Variants in LRRC8B observed in about 807,000 individuals in gnomAD.
The protein encoded by LRRC8B is leucine rich repeat containing 8 VRAC subunit B, also known as volume-regulated anion channel subunit LRRC8B.
In LRRC8B, 23 loss-of-function variants were observed where a neutral mutation model predicts 58.8. The observed-to-expected ratio is 0.39, with a 90% CI of 0.28 to 0.55. LRRC8B has a LOEUF of 0.55. LRRC8B is among the 20% of genes least tolerant of loss of function. LRRC8B has a pLI of 0.62. For missense variants in LRRC8B, 694 were observed against 936.0 expected (o/e 0.74, Z 3.37); for synonymous variants, 359 against 374.1 (o/e 0.96, Z 0.47).
intron 1 of LRRC8B, among the ~76,000 whole-genome samples, chr1:89,542,665 A>G (rs1186783404): frequency 1.3e-5 from 2 of 152,268 alleles, no homozygotes; most frequent in African/African-American, 2.4e-5. Context: ...ATGTTTAGAT[A>G]AGTCACATAA....
rs1231422593 is a variant in LRRC8B, at chr1:89,528,274, G to A, written c.-241+3252G>A. Among the ~76,000 whole-genome samples, 3 of 152,286 alleles carry A rather than the reference G, an allele frequency of 2.0e-5. No homozygotes were observed. In the East Asian group the frequency reaches 5.8e-4, roughly 29 times the overall value. On this transcript the variant is annotated intron_variant, in intron 1 of 5. Transcript: ENST00000330947. ...TCTCTTCCGTATCCAGCTCCATGCA[G>A]GTGACTGAGATCTTCCTCTGCTCAT...
At chr1:89,561,854 T>C (rs986936972) in intron 1 of LRRC8B, among the ~76,000 whole-genome samples, 1 of 151,974 alleles carries the variant, frequency 6.6e-6, no homozygotes, top group Middle Eastern at 3.4e-3. Context: ...TGGCTTAGGA[T>C]TGACTTGGCA....
intron 1 of LRRC8B, among the ~76,000 whole-genome samples, chr1:89,528,274 G>C (rs1231422593): frequency 6.6e-6 from 1 of 152,168 alleles, no homozygotes; most frequent in South Asian, 2.1e-4. Flanking sequence ...GCTCCATGCA[G>C]GTGACTGAGA....
chr1:89,545,509 G>A (rs1490047300), intron 1 of LRRC8B, among the ~76,000 whole-genome samples: 1 of 152,154 alleles, frequency 6.6e-6, no homozygotes, highest in Non-Finnish European at 1.5e-5. Flanking sequence ...TACTGTGTCT[G>A]CATGCCCTGT....
rs556384751 is a variant in LRRC8B, at chr1:89,526,791, A to G, written c.-241+1769A>G. Among the ~76,000 whole-genome samples the G allele has an allele frequency of 1.1e-3, 166 of 152,320 alleles. 2 individuals are homozygous for G. Among genetic ancestry groups the G allele is most frequent in the Middle Eastern group, 3.4e-3 (1 of 294 alleles). ...TCTGCATGTCGGAATTAAGTTTACC[A>G]TTCTTTGAAATGTGTTCTCTTTTTC... On this transcript the variant is annotated intron_variant, in intron 1 of 5. Coordinates refer to ENST00000330947, the MANE Select transcript of LRRC8B (RefSeq NM_001369817.2).
At chr1:89,527,288 T>C (rs1301833877) in intron 1 of LRRC8B, among the ~76,000 whole-genome samples, 4 of 152,246 alleles carry the variant, frequency 2.6e-5, no homozygotes, top group African/African-American at 9.6e-5. Flanking sequence ...TCCCGGATTT[T>C]CATTTGGTGT....
intron 4 of LRRC8B, among the ~76,000 whole-genome samples, chr1:89,580,548 G>A (rs1385831634): frequency 6.6e-6 from 1 of 152,024 alleles, no homozygotes; most frequent in African/African-American, 2.4e-5. Context: ...GTATTTTGAG[G>A]TCTAAGCCCA....
Position 89,584,165 on chromosome 1 carries a change from G to T in LRRC8B, c.1515G>T (p.Trp505Cys), listed in dbSNP as rs1654455385. ...CTGAAATGGGAAAAATCCCACGCTG[G>T]GTATTTCACCTCAAGAATCTCAAGG... ...KFTEMGKIPR[W>C]VFHLKNLKEL... The change falls in exon 5 of 6, where the codon TGG becomes TGT. Residue 505 changes from tryptophan to cysteine, a missense_variant. Trp to Cys is a radical substitution (Grantham distance 215). Transcript: ENST00000330947. The T allele has an allele frequency of 1.2e-6, 2 of 1,611,812 alleles. No homozygotes were observed. Among genetic ancestry groups the T allele is most frequent in the South Asian group, 2.2e-5 (2 of 91,064 alleles).
At chr1:89,568,410 A>G (rs146554523) in intron 2 of LRRC8B, 29 bp from the exon 3 acceptor site, 13 of 152,290 alleles carry the variant, frequency 8.5e-5, no homozygotes, top group African/African-American at 2.2e-4. Flanking sequence ...TGCGTAAAAT[A>G]TAATAATATG....
At chr1:89,562,035 G>A (rs569272824) in intron 1 of LRRC8B, among the ~76,000 whole-genome samples, 3 of 152,134 alleles carry the variant, frequency 2.0e-5, no homozygotes, top group Admixed American at 1.3e-4. Context: ...AAAGTCTCAG[G>A]GATATGTGGA....
chr1:89,597,488 T>G lies in LRRC8B; in HGVS notation c.*4445T>G, dbSNP rs1237831702. On this transcript the variant is annotated 3_prime_UTR_variant, in exon 6 of 6. Coordinates refer to ENST00000330947, the MANE Select transcript of LRRC8B (RefSeq NM_001369817.2). ...TGTTCGTGCATATATATGTTGTATTTAAATATTAATGTTTACAAGAAGATT... is the reference window on the plus strand; with the variant it reads ...TGTTCGTGCATATATATGTTGTATTGAAATATTAATGTTTACAAGAAGATT... 6.6e-6 allele frequency: 1 copy of G among 152,232 alleles called. No homozygotes were observed. The highest frequency in any genetic ancestry group is 1.5e-5 in the Non-Finnish European group (1 of 68,034). 9.4% of individuals were successfully genotyped at this position (152,232 alleles called of 1,614,324 possible).
At position 89,582,645 on chromosome 1, in the gene LRRC8B, A is replaced by C; in HGVS notation, c.-6A>C. ...TCCAGTTTCTGTCCTCCTACAAGGG[A>C]AAGTCATGATTACACTAACTGAGCT... On this transcript the variant is annotated 5_prime_UTR_variant, in exon 5 of 6. Coordinates refer to ENST00000330947, the MANE Select transcript of LRRC8B (RefSeq NM_001369817.2). 6.2e-7 allele frequency: 1 copy of C among 1,602,084 alleles called. No homozygotes were observed. The highest frequency in any genetic ancestry group is 8.5e-7 in the Non-Finnish European group (1 of 1,170,020).
At chr1:89,569,730 T>A (rs1354493976) in intron 3 of LRRC8B, among the ~76,000 whole-genome samples, 1 of 152,058 alleles carries the variant, frequency 6.6e-6, no homozygotes, top group Admixed American at 6.5e-5. Context: ...AACTTTTAAG[T>A]TCGGAGGTAC....
At chr1:89,545,114 G>T (rs371472848) in intron 1 of LRRC8B, among the ~76,000 whole-genome samples, 5 of 152,056 alleles carry the variant, frequency 3.3e-5, no homozygotes, top group Non-Finnish European at 5.9e-5. Context: ...TTCCTCCCAG[G>T]GTGAGTTTTC....
intron 1 of LRRC8B, among the ~76,000 whole-genome samples, chr1:89,532,288 AG>A (rs2100790536): frequency 6.6e-6 from 1 of 152,278 alleles, no homozygotes; most frequent in South Asian, 2.1e-4. Context: ...GTTCTGTGAA[AG>A]CAAGAACTTT....
In LRRC8B at chr1:89,594,019, T is replaced by G. The variant is rs775745895; in HGVS notation, c.*976T>G. 1 of 152,226 alleles carries G rather than the reference T, an allele frequency of 6.6e-6. No homozygotes were observed. Among genetic ancestry groups the G allele is most frequent in the African/African-American group, 2.4e-5 (1 of 41,468 alleles). 9.4% of individuals were successfully genotyped at this position (152,226 alleles called of 1,614,324 possible). ...TTTAAGATGTATTATCCTCGGGGCATCCTGAAAATTAATGTATTCCCTAAA... is the reference window on the plus strand; with the variant it reads ...TTTAAGATGTATTATCCTCGGGGCAGCCTGAAAATTAATGTATTCCCTAAA... On this transcript the variant is annotated 3_prime_UTR_variant, in exon 6 of 6. Transcript: ENST00000330947.
At chr1:89,554,811 G>C (rs1033288105) in intron 1 of LRRC8B, among the ~76,000 whole-genome samples, 1 of 152,056 alleles carries the variant, frequency 6.6e-6, no homozygotes. Flanking sequence ...GAAAAGACAG[G>C]AAAAAAACTA....
intron 1 of LRRC8B, chr1:89,558,812 A>G (rs1355087337): frequency 6.6e-6 from 1 of 152,202 alleles, no homozygotes; most frequent in Non-Finnish European, 1.5e-5. Context: ...GAAGGAGAGA[A>G]CTTACCCCTT....
chr1:89,559,661 C>T (rs1652475938), intron 1 of LRRC8B, among the ~76,000 whole-genome samples: 1 of 149,820 alleles, frequency 6.7e-6, no homozygotes, highest in African/African-American at 2.5e-5. Flanking sequence ...CATATATGTA[C>T]ACACATACAC....
Sources: allele counts gnomAD v4.1 joint callset (sites outside exome capture counted in the v4.1 genomes callset), GRCh38; gene constraint gnomAD v4.1.1; transcripts MANE v1.5; gene names NCBI Gene and HGNC (gene_info 2026-07-23, HGNC 2026-07-21).